The following RIN3 variants were observed in gnomAD, a reference collection of about 807,000 sequenced individuals.
RIN3 encodes the protein RAB5 interacting protein 3.
RIN3 carries 54 observed loss-of-function variants against 76.3 expected under a neutral mutation model. The observed-to-expected ratio is 0.71, with a 90% CI of 0.57 to 0.89. RIN3 has a LOEUF of 0.89. RIN3 is among the 40% of genes least tolerant of loss of function. RIN3 has a pLI of 0.00. For synonymous variants in RIN3, 576 were observed against 564.0 expected (o/e 1.02, Z -0.30); for missense variants, 1,256 against 1,322.1 (o/e 0.95, Z 0.78).
At chr14:92,627,805 G>T (rs1468473753) in intron 4 of RIN3, among the ~76,000 whole-genome samples, 1 of 152,192 alleles carries the variant, frequency 6.6e-6, no homozygotes, top group East Asian at 1.9e-4. Context: ...CCTGGGCAAG[G>T]CCCCAGATTG....
rs150672993 is a variant in RIN3, at chr14:92,605,862, A to G, written c.368-9545A>G. 8.1e-4 allele frequency among the ~76,000 whole-genome samples: 123 copies of G among 152,352 alleles called. 1 individual carries two copies. The highest frequency in any genetic ancestry group is 3.0e-3 in the African/African-American group (123 of 41,580). On this transcript the variant is annotated intron_variant, in intron 3 of 9. Transcript: ENST00000216487. ...GGCCCACAATTCATTAATGATATCA[A>G]TAGAGAGAAGAATTGACCGTTAATT...
intron 4 of RIN3, among the ~76,000 whole-genome samples, chr14:92,619,011 T>G (rs1886073627): frequency 6.6e-6 from 1 of 151,334 alleles, no homozygotes; most frequent in South Asian, 2.1e-4. Context: ...TTGTGTGTGG[T>G]TTATAATCAC....
chr14:92,544,449 A>G (rs1897207121), intron 1 of RIN3, among the ~76,000 whole-genome samples: 1 of 150,726 alleles, frequency 6.6e-6, no homozygotes, highest in Non-Finnish European at 1.5e-5. Flanking sequence ...GGGGTCCCAA[A>G]AAGTCCCCTG....
At chr14:92,679,550 G>C (rs1489676596) in intron 8 of RIN3, among the ~76,000 whole-genome samples, 1 of 152,184 alleles carries the variant, frequency 6.6e-6, no homozygotes, top group Non-Finnish European at 1.5e-5. Context: ...CAACAGCCTG[G>C]ACACTTCATC....
chr14:92,645,451 C>T (rs1213851715), intron 5 of RIN3, among the ~76,000 whole-genome samples: 10 of 152,154 alleles, frequency 6.6e-5, no homozygotes, highest in South Asian at 2.1e-4. Flanking sequence ...GGGACTGACA[C>T]GTGGTGCAGC....
rs547032955 is a variant in RIN3 at position 92,567,479 on chromosome 14, T to C, written c.250-9881T>C. ...GATGGCCTCACTCATGTGTCTTGTG[T>C]TGGGTGCTGGCTGTTGGCTGGGCCA... On this transcript the variant is annotated intron_variant, in intron 2 of 9. Coordinates refer to ENST00000216487, the MANE Select transcript of RIN3 (RefSeq NM_024832.5). Among the ~76,000 whole-genome samples, 13 of 152,236 alleles carry C rather than the reference T, an allele frequency of 8.5e-5. No individual in the cohort carries two copies. The South Asian group carries it at 2.7e-3, about 32-fold the overall frequency.
chr14:92,614,589 G>T (rs1433915161), intron 3 of RIN3, among the ~76,000 whole-genome samples: 4 of 151,964 alleles, frequency 2.6e-5, no homozygotes, highest in Non-Finnish European at 5.9e-5. Context: ...GAGGGACCTG[G>T]TGGGAGATAA....
chr14:92,529,981 G>A (rs1896842279), intron 1 of RIN3, among the ~76,000 whole-genome samples: 1 of 152,200 alleles, frequency 6.6e-6, no homozygotes, highest in Non-Finnish European at 1.5e-5. Context: ...TGATAAAAAT[G>A]TTGTGACCAG....
At chr14:92,540,713 G>A (rs1897113140) in intron 1 of RIN3, among the ~76,000 whole-genome samples, 1 of 152,230 alleles carries the variant, frequency 6.6e-6, no homozygotes, top group African/African-American at 2.4e-5. Context: ...CAAAGCCATG[G>A]AGAAGCCAGC....
chr14:92,513,980 A>G lies in RIN3; in HGVS notation c.44+4A>G. ...CCGCGCGCGGGGACCCCACGGGGTA[A>G]GTCCGGGCGGCCGCCCCCTCCTCCC... On this transcript the variant is annotated splice_donor_region_variant and intron_variant, in intron 1 of 9. Transcript: ENST00000216487. The G allele has an allele frequency of 8.1e-7, 1 of 1,237,264 alleles. No homozygotes were observed. The highest frequency in any genetic ancestry group is 1.0e-6 in the Non-Finnish European group (1 of 990,262). The allele number at this position is 1,237,264 out of a possible 1,614,324, so 76.6% of individuals were successfully genotyped here. A position where few individuals can be genotyped will look rare whatever the true frequency, so the allele number is the denominator to read the frequency against.
intron 1 of RIN3, among the ~76,000 whole-genome samples, chr14:92,529,858 G>A (rs1384477035): frequency 1.3e-5 from 2 of 152,196 alleles, no homozygotes; most frequent in African/African-American, 4.8e-5. Context: ...GCCTTATTCA[G>A]GCATGAGTTA....
intron 6 of RIN3, 78 bp from the exon 7 acceptor site, chr14:92,659,083 G>A (rs1035363057): frequency 4.5e-5 from 63 of 1,388,904 alleles, no homozygotes; most frequent in Non-Finnish European, 6.1e-5. Flanking sequence ...GGGGATGGCT[G>A]TGCTGTTGGG....
At chr14:92,563,084 G>A (rs1370475443) in intron 2 of RIN3, among the ~76,000 whole-genome samples, 1 of 152,184 alleles carries the variant, frequency 6.6e-6, no homozygotes, top group Non-Finnish European at 1.5e-5. Flanking sequence ...AGTGGGCCAG[G>A]TGCAGTGACT....
At chr14:92,556,025 C>A (rs1010610105) in intron 2 of RIN3, 70 bp downstream of exon 2, 1 of 1,269,634 alleles carries the variant, frequency 7.9e-7, no homozygotes, top group Non-Finnish European at 1.1e-6. Context: ...TCCACACCTG[C>A]CCTGGCTCCC....
intron 7 of RIN3, among the ~76,000 whole-genome samples, chr14:92,659,873 AAAG>A (rs1355634268): frequency 3.3e-5 from 5 of 152,190 alleles, no homozygotes; most frequent in Non-Finnish European, 7.3e-5. Context: ...TGCTCCCTCT[AAAG>A]ACACCAGGGA....
chr14:92,625,154 A>G (rs544142207), intron 4 of RIN3, among the ~76,000 whole-genome samples: 2 of 152,320 alleles, frequency 1.3e-5, no homozygotes, highest in African/African-American at 4.8e-5. Context: ...GAACTTAAGT[A>G]TGGTAACCTA....
At chr14:92,663,806 C>G (rs1450314291) in intron 7 of RIN3, among the ~76,000 whole-genome samples, 1 of 152,200 alleles carries the variant, frequency 6.6e-6, no homozygotes, top group Non-Finnish European at 1.5e-5. Context: ...TAGCCTTGGA[C>G]ATTAATCTCC....
At position 92,614,283 on chromosome 14, in the gene RIN3, C is replaced by T. The variant is rs1885865893; in HGVS notation, c.368-1124C>T. ...GATCTGGGTGACAGGCCAGTGGCCCCACTTCAGTGCCCCAGACCCATGTTC... is the reference window on the plus strand; with the variant it reads ...GATCTGGGTGACAGGCCAGTGGCCCTACTTCAGTGCCCCAGACCCATGTTC... On this transcript the variant is annotated intron_variant, in intron 3 of 9. Transcript: ENST00000216487. Among the ~76,000 whole-genome samples the T allele has an allele frequency of 1.3e-5, 2 of 152,220 alleles. 1 individual carries two copies. Among genetic ancestry groups the T allele is most frequent in the South Asian group, 4.1e-4 (2 of 4,834 alleles).
intron 8 of RIN3, among the ~76,000 whole-genome samples, chr14:92,680,662 T>TG (rs1888631877): frequency 6.6e-6 from 1 of 152,146 alleles, no homozygotes. Context: ...CCTTAGCACA[T>TG]GGGGCAGGAT....
Sources: allele counts gnomAD v4.1 joint callset (sites outside exome capture counted in the v4.1 genomes callset), GRCh38; gene constraint gnomAD v4.1.1; transcripts MANE v1.5; gene names NCBI Gene and HGNC (gene_info 2026-07-23, HGNC 2026-07-21).